The following GTF2B variants were observed in gnomAD, a reference collection of about 807,000 sequenced individuals.
GTF2B encodes transcription initiation factor IIB.
A neutral mutation model predicts 34.6 loss-of-function variants in GTF2B; 20 were observed. The observed-to-expected ratio is 0.58, with a 90% confidence interval of 0.41 to 0.84. The LOEUF (loss-of-function observed/expected upper bound fraction) is 0.84, where lower values mean the gene tolerates loss of function less well. Ranked by LOEUF, GTF2B falls within the 40% of genes least tolerant of loss-of-function variation. GTF2B has a pLI of 0.00. For synonymous variants in GTF2B, 142 were observed against 132.4 expected (o/e 1.07, Z -0.50); for missense variants, 237 against 393.3 (o/e 0.60, Z 3.36).
chr1:88,871,340 T>C (rs1673689102), intron 2 of GTF2B, among the ~76,000 whole-genome samples: 1 of 152,224 alleles, frequency 6.6e-6, no homozygotes, highest in Admixed American at 6.5e-5. Context: ...TGAAGGTTTA[T>C]TTCTTATTCA....
rs753263393 is a variant in GTF2B at position 88,891,514 on chromosome 1, C to T, written c.-15G>A. 3 of 1,600,432 alleles carry T rather than the reference C, an allele frequency of 1.9e-6. No individual in the cohort carries two copies. Among genetic ancestry groups the T allele is most frequent in the East Asian group, 2.3e-5 (1 of 44,108 alleles). ...GTAGACGCCATCTTCACGGCGACTG[C>T]GGTGCCCGCAACAAGACACAACAGA... On this transcript the variant is annotated 5_prime_UTR_variant, in exon 1 of 7. Transcript: ENST00000370500.
intron 5 of GTF2B, 57 bp downstream of exon 5, chr1:88,859,825 G>C (rs759653244): frequency 2.9e-5 from 44 of 1,513,674 alleles, no homozygotes; most frequent in Admixed American, 8.6e-5. Flanking sequence ...GACAAAGTGA[G>C]ACCCTATCTC....
rs1385953254 is a variant in GTF2B at position 88,856,213 on chromosome 1, A to T, written c.817+993T>A. Among the ~76,000 whole-genome samples the T allele has an allele frequency of 2.8e-5, 4 of 141,324 alleles. No individual in the cohort carries two copies. The Admixed American group carries it at 3.1e-4, about 11-fold the overall frequency. The allele number at this position is 141,324 out of a possible 152,430, so 92.7% of individuals were successfully genotyped here. ...TGTCCGGGAGGTGGAGGTTGCAGTA[A>T]GCTGAGATTGTGCCACTGTACCTCC... On this transcript the variant is annotated intron_variant, in intron 6 of 6. Coordinates refer to ENST00000370500, the MANE Select transcript of GTF2B (RefSeq NM_001514.6).
At chr1:88,877,222 T>C (rs563198253) in intron 2 of GTF2B, among the ~76,000 whole-genome samples, 1 of 152,256 alleles carries the variant, frequency 6.6e-6, no homozygotes, top group East Asian at 1.9e-4. Context: ...GCAGAATGAG[T>C]TTAGTAGAAG....
At chr1:88,881,896 G>A (rs1673954448) in intron 2 of GTF2B, among the ~76,000 whole-genome samples, 1 of 152,054 alleles carries the variant, frequency 6.6e-6, no homozygotes, top group Non-Finnish European at 1.5e-5. Flanking sequence ...GCACAAGAAA[G>A]CATACAAGTC....
At chr1:88,855,080 G>A (rs1394800030) in intron 6 of GTF2B, among the ~76,000 whole-genome samples, 5 of 152,180 alleles carry the variant, frequency 3.3e-5, no homozygotes, top group Admixed American at 3.3e-4. Context: ...ATGTTTTCAT[G>A]TTGTTCATTA....
At chr1:88,863,577 G>A (rs1261753132) in intron 3 of GTF2B, among the ~76,000 whole-genome samples, 3 of 151,940 alleles carry the variant, frequency 2.0e-5, no homozygotes, top group African/African-American at 7.3e-5. Context: ...GGCTGGTCCC[G>A]AACTCCTGAC....
At chr1:88,855,460 C>T (rs1370969417) in intron 6 of GTF2B, among the ~76,000 whole-genome samples, 1 of 148,306 alleles carries the variant, frequency 6.7e-6, no homozygotes, top group Non-Finnish European at 1.5e-5. Flanking sequence ...TCAAGAGATT[C>T]TTGTCTCTTA....
intron 2 of GTF2B, among the ~76,000 whole-genome samples, chr1:88,868,886 C>A (rs1026373344): frequency 5.3e-5 from 8 of 152,126 alleles, no homozygotes. Context: ...CAGGCGCCCA[C>A]CACAATGCCT....
chr1:88,880,195 A>G (rs1464944789), intron 2 of GTF2B, among the ~76,000 whole-genome samples: 2 of 152,234 alleles, frequency 1.3e-5, no homozygotes. Flanking sequence ...TGGCAAGCAT[A>G]ATCAATCATG....
At chr1:88,863,534 T>G (rs1173375831) in intron 3 of GTF2B, among the ~76,000 whole-genome samples, 4 of 152,036 alleles carry the variant, frequency 2.6e-5, no homozygotes, top group African/African-American at 9.7e-5. Context: ...CCTTTTTTTT[T>G]GTAGTAGAGA....
At chr1:88,866,182 T>C (rs1186115898) in intron 2 of GTF2B, among the ~76,000 whole-genome samples, 3 of 151,434 alleles carry the variant, frequency 2.0e-5, no homozygotes, top group African/African-American at 7.3e-5. Flanking sequence ...GGCAACATGG[T>C]GAAACCCTGT....
At chr1:88,866,834 AAGG>A (rs1357669574) in intron 2 of GTF2B, among the ~76,000 whole-genome samples, 2 of 152,232 alleles carry the variant, frequency 1.3e-5, no homozygotes, top group Non-Finnish European at 1.5e-5. Flanking sequence ...CCCTGTATGC[AAGG>A]AGAACACGCA....
intron 2 of GTF2B, among the ~76,000 whole-genome samples, chr1:88,869,810 A>G (rs535424029): frequency 1.3e-5 from 2 of 152,086 alleles, no homozygotes; most frequent in Admixed American, 1.3e-4. Flanking sequence ...TATTTTTAGT[A>G]GACGGGGTTT....
At chr1:88,869,878 C>A (rs1673649230) in intron 2 of GTF2B, among the ~76,000 whole-genome samples, 1 of 152,066 alleles carries the variant, frequency 6.6e-6, no homozygotes, top group East Asian at 1.9e-4. Context: ...CCGCCTCGGC[C>A]TCCCCAAGTG....
intron 2 of GTF2B, among the ~76,000 whole-genome samples, chr1:88,883,843 T>C (rs6667678): frequency 0.98 from 149,541 of 152,212 alleles, 73,512 homozygotes; most frequent in Middle Eastern, 1. Context: ...GCAAATCTGT[T>C]CCACTAAGTC....
At chr1:88,865,690 T>C (rs1673531209) in intron 2 of GTF2B, among the ~76,000 whole-genome samples, 1 of 151,582 alleles carries the variant, frequency 6.6e-6, no homozygotes, top group South Asian at 2.1e-4. Context: ...CTGTCTCTAC[T>C]AAAAATACAA....
rs1326900103 is a variant in GTF2B, at chr1:88,887,164, C to T, written c.124+97G>A. The T allele has an allele frequency of 4.2e-6, 3 of 708,322 alleles. No individual in the cohort carries two copies. The East Asian group carries it at 8.3e-5, about 20-fold the overall frequency. 43.9% of individuals were successfully genotyped at this position (708,322 alleles called of 1,614,324 possible). A position where few individuals can be genotyped will look rare whatever the true frequency, so the allele number is the denominator to read the frequency against. On this transcript the variant is annotated intron_variant, in intron 2 of 6. Coordinates refer to ENST00000370500, the MANE Select transcript of GTF2B (RefSeq NM_001514.6). Reference sequence around the variant, plus strand: ...GAACTCCTGACCTCAGGTGATCCTCCCACCTTGGCCTCCCGAAGTGCTGGA... The same window carrying T: ...GAACTCCTGACCTCAGGTGATCCTCTCACCTTGGCCTCCCGAAGTGCTGGA...
At chr1:88,869,494 C>CA (rs1673638216) in intron 2 of GTF2B, among the ~76,000 whole-genome samples, 1 of 152,096 alleles carries the variant, frequency 6.6e-6, no homozygotes, top group African/African-American at 2.4e-5. Context: ...CCAAAAATGT[C>CA]AGTCACAAAA....
Sources: gnomAD v4.1 joint callset for allele counts (sites outside exome capture counted in the v4.1 genomes callset) on GRCh38, gnomAD v4.1.1 for gene constraint, MANE v1.5 for transcripts, NCBI Gene and HGNC (gene_info 2026-07-23, HGNC 2026-07-21) for gene names.